F13A1: variants seen among roughly 807,000 people sequenced by gnomAD.
F13A1 encodes the protein coagulation factor XIII A chain.
F13A1 carries 47 observed loss-of-function variants against 80.1 expected under a neutral mutation model. That is an observed-to-expected ratio of 0.59 (90% CI 0.46 to 0.75). F13A1 has a LOEUF of 0.75. Among genes scored for constraint, F13A1 ranks in the 30% least tolerant of loss-of-function variants. The pLI is 0.00. For synonymous variants in F13A1, 349 were observed against 344.9 expected, an observed-to-expected ratio of 1.01 and a Z score of -0.13; for missense variants, 817 against 930.4, an observed-to-expected ratio of 0.88 and a Z score of 1.59.
At chr6:6,320,506 T>TA in intron 1 of F13A1, 81 bp downstream of exon 1, 1 of 373,620 alleles carries the variant, frequency 2.7e-6, no homozygotes, top group Non-Finnish European at 5.6e-6. Context: ...GCAAGCCGCT[T>TA]GCTGGTTCAA....
chr6:6,163,202 T>G (rs1490561132), intron 13 of F13A1, among the ~76,000 whole-genome samples: 1 of 152,206 alleles, frequency 6.6e-6, no homozygotes, highest in African/African-American at 2.4e-5. Context: ...CCATCCAGGC[T>G]CAAAGAGGTT....
At chr6:6,259,855 A>G (rs1454291775) in intron 4 of F13A1, among the ~76,000 whole-genome samples, 2 of 152,238 alleles carry the variant, frequency 1.3e-5, no homozygotes, top group Admixed American at 1.3e-4. Flanking sequence ...CTGATGCCCA[A>G]TCAAAAATAC....
chr6:6,155,653 C>G (rs4959369), intron 13 of F13A1, among the ~76,000 whole-genome samples: 30,704 of 151,962 alleles, frequency 0.2, 3,241 homozygotes, highest in Middle Eastern at 0.28. Flanking sequence ...CTCGACATCA[C>G]TGTGTTCTGC....
intron 6 of F13A1, among the ~76,000 whole-genome samples, chr6:6,228,509 A>G (rs1781787): frequency 0.56 from 85,236 of 151,922 alleles, 26,116 homozygotes; most frequent in African/African-American, 0.82. Context: ...TGAGGCAGAT[A>G]GATTGCTTGA....
intron 8 of F13A1, among the ~76,000 whole-genome samples, chr6:6,210,323 T>TTA (rs1761580545): frequency 2.0e-5 from 1 of 50,180 alleles, no homozygotes; most frequent in East Asian, 6.4e-4. Context: ...TTGTAGCATG[T>TTA]GATATATATA....
intron 13 of F13A1, among the ~76,000 whole-genome samples, chr6:6,152,199 C>T (rs1349007174): frequency 2.0e-5 from 3 of 152,154 alleles, no homozygotes; most frequent in Non-Finnish European, 2.9e-5. Context: ...AGGTCAATAG[C>T]GGTGGCCACT....
At chr6:6,298,703 A>G (rs1758371101) in intron 3 of F13A1, among the ~76,000 whole-genome samples, 1 of 149,696 alleles carries the variant, frequency 6.7e-6, no homozygotes, top group Non-Finnish European at 1.5e-5. Flanking sequence ...TCTTTATCCA[A>G]TTTGCCAGTC....
chr6:6,145,811 A>G, intron 14 of F13A1, 39 bp from the exon 15 acceptor site: 2 of 1,613,902 alleles, frequency 1.2e-6, no homozygotes, highest in Non-Finnish European at 1.7e-6. Context: ...TGGAAGATCC[A>G]GCTTTCCACT....
chr6:6,171,770 G>A (rs112911145), intron 12 of F13A1, among the ~76,000 whole-genome samples: 145 of 152,334 alleles, frequency 9.5e-4, no homozygotes, highest in Non-Finnish European at 1.8e-3. Context: ...TCTGCACCCA[G>A]CACTGCCCCC....
At chr6:6,238,715 CATATAT>C (rs4053228) in intron 6 of F13A1, among the ~76,000 whole-genome samples, 2 of 145,990 alleles carry the variant, frequency 1.4e-5, no homozygotes, top group African/African-American at 5.1e-5. Flanking sequence ...AAACATGCTG[CATATAT>C]ATATATATAT....
chr6:6,253,365 G>GTGTTAGCAGAAGCAA (rs1265708739), intron 4 of F13A1, among the ~76,000 whole-genome samples: 1 of 152,162 alleles, frequency 6.6e-6, no homozygotes, highest in Non-Finnish European at 1.5e-5. Context: ...GGCTAATGGG[G>GTGTTAGCAGAAGCAA]TGTTAGCAGA....
chr6:6,160,949 C>T (rs1760562897), intron 13 of F13A1, among the ~76,000 whole-genome samples: 1 of 151,800 alleles, frequency 6.6e-6, no homozygotes, highest in South Asian at 2.1e-4. Context: ...TTTCTCCTAG[C>T]AAAATTGTTC....
intron 10 of F13A1, among the ~76,000 whole-genome samples, chr6:6,183,567 T>C (rs1318749296): frequency 6.6e-6 from 1 of 152,220 alleles, no homozygotes; most frequent in Non-Finnish European, 1.5e-5. Flanking sequence ...AAATCCATTA[T>C]ATTTTACAAA....
At chr6:6,262,609 C>G (rs1031903022) in intron 4 of F13A1, among the ~76,000 whole-genome samples, 1 of 151,986 alleles carries the variant, frequency 6.6e-6, no homozygotes, top group Non-Finnish European at 1.5e-5. Flanking sequence ...AGTTCACCTT[C>G]TACCCTCCAG....
chr6:6,189,608 G>C, intron 10 of F13A1, among the ~76,000 whole-genome samples: 1 of 142,264 alleles, frequency 7.0e-6, no homozygotes, highest in Non-Finnish European at 1.6e-5. Context: ...TAGTCTGATG[G>C]GCTTCCCTTT....
intron 4 of F13A1, among the ~76,000 whole-genome samples, chr6:6,265,032 A>G (rs1354830269): frequency 1.3e-5 from 2 of 152,206 alleles, no homozygotes; most frequent in Non-Finnish European, 2.9e-5. Flanking sequence ...AGGCTCAGGC[A>G]GGAGCACTGC....
At chr6:6,156,858 A>G (rs1050203334) in intron 13 of F13A1, among the ~76,000 whole-genome samples, 4 of 152,326 alleles carry the variant, frequency 2.6e-5, no homozygotes, top group African/African-American at 9.6e-5. Flanking sequence ...AAAGCCTCAT[A>G]TGGCTCGTGG....
At chr6:6,190,645 T>C (rs1256943588) in intron 10 of F13A1, among the ~76,000 whole-genome samples, 4 of 151,946 alleles carry the variant, frequency 2.6e-5, no homozygotes, top group African/African-American at 4.8e-5. Flanking sequence ...GACAGGGACA[T>C]TTAAGTCTGC....
chr6:6,167,592 C>T lies in F13A1; in HGVS notation c.1774G>A (p.Ala592Thr). Residue 592 changes from alanine to threonine, a missense_variant, in exon 13 of 15, where the codon GCC becomes ACC. Coordinates refer to ENST00000264870, the MANE Select transcript of F13A1 (RefSeq NM_000129.4). ...AGCAGCTGACCCATGTACTCGCCGG[C>T]TTGGATCAGCACCGCCTCTTTCTTG... ...SFKKEAVLIQ[A>T]GEYMGQLLEQ... The T allele has an allele frequency of 6.2e-7, 1 of 1,613,834 alleles. No homozygotes were observed. The highest frequency in any genetic ancestry group is 8.5e-7 in the Non-Finnish European group (1 of 1,180,008).
Sources: gnomAD v4.1 joint callset for allele counts (sites outside exome capture counted in the v4.1 genomes callset) on GRCh38, gnomAD v4.1.1 for gene constraint, MANE v1.5 for transcripts, NCBI Gene and HGNC (gene_info 2026-07-23, HGNC 2026-07-21) for gene names.